Variants in NSD3 observed in about 807,000 individuals in gnomAD.
NSD3 encodes the protein histone-lysine N-methyltransferase NSD3.
A neutral mutation model predicts 160.8 loss-of-function variants in NSD3; 24 were observed. The observed-to-expected ratio is 0.15, with a 90% CI of 0.11 to 0.21. The LOEUF (loss-of-function observed/expected upper bound fraction) is 0.21. NSD3 is among the 10% of genes least tolerant of loss of function. The pLI, the probability that NSD3 is intolerant of heterozygous loss-of-function variation, is 1.00. For synonymous variants in NSD3, 520 were observed against 600.0 expected (o/e 0.87, Z 1.95); for missense variants, 1,157 against 1,735.9 (o/e 0.67, Z 5.93).
intron 4 of NSD3, among the ~76,000 whole-genome samples, chr8:38,334,179 A>C (rs1810147153): frequency 6.6e-6 from 1 of 152,238 alleles, no homozygotes; most frequent in South Asian, 2.1e-4. Flanking sequence ...TATAGCCATA[A>C]ATGGAATATT....
chr8:38,370,414 T>C (rs1290000200), intron 1 of NSD3, among the ~76,000 whole-genome samples: 1 of 150,328 alleles, frequency 6.7e-6, no homozygotes, highest in Non-Finnish European at 1.5e-5. Context: ...AGAGTCTCGC[T>C]CTGTCGCCCA....
chr8:38,299,664 C>T, intron 14 of NSD3, 74 bp from the exon 15 acceptor site: 1 of 1,413,874 alleles, frequency 7.1e-7, no homozygotes, highest in Non-Finnish European at 9.3e-7. Context: ...AATAAACCAA[C>T]ACCTATTATG....
At chr8:38,342,934 G>A (rs1251867358) in intron 2 of NSD3, among the ~76,000 whole-genome samples, 1 of 151,614 alleles carries the variant, frequency 6.6e-6, no homozygotes, top group East Asian at 2.0e-4. Flanking sequence ...GCTCACGCCT[G>A]TAATCCCAGA....
At chr8:38,307,942 C>T (rs1809447328) in intron 12 of NSD3, among the ~76,000 whole-genome samples, 1 of 152,132 alleles carries the variant, frequency 6.6e-6, no homozygotes, top group Non-Finnish European at 1.5e-5. Flanking sequence ...GGATAAGACA[C>T]ATAAACAGAT....
intron 14 of NSD3, among the ~76,000 whole-genome samples, chr8:38,300,137 T>C (rs527495292): frequency 1.4e-4 from 22 of 151,800 alleles, no homozygotes; most frequent in African/African-American, 5.1e-4. Flanking sequence ...TCTATCAATA[T>C]GGTACATGTT....
chr8:38,278,881 A>C (rs1808672867), intron 21 of NSD3, among the ~76,000 whole-genome samples: 2 of 152,250 alleles, frequency 1.3e-5, no homozygotes, highest in African/African-American at 4.8e-5. Flanking sequence ...CAGGGACTCA[A>C]ACTAGGGCCT....
chr8:38,295,551 G>A (rs757268699), intron 16 of NSD3, among the ~76,000 whole-genome samples: 11 of 151,878 alleles, frequency 7.2e-5, no homozygotes, highest in Non-Finnish European at 1.5e-4. Context: ...GAGCCAAACC[G>A]CCTCACAAAC....
chr8:38,368,760 C>A (rs1273033234), intron 1 of NSD3, among the ~76,000 whole-genome samples: 1 of 152,188 alleles, frequency 6.6e-6, no homozygotes, highest in Admixed American at 6.5e-5. Context: ...GGTATTACCA[C>A]TTGAAGGAAA....
intron 1 of NSD3, chr8:38,380,510 T>C (rs1381744322): frequency 6.6e-6 from 1 of 152,226 alleles, no homozygotes; most frequent in African/African-American, 2.4e-5. Flanking sequence ...TTCACGATCA[T>C]GTTTGATATG....
At chr8:38,368,534 TCATA>T (rs1335548842) in intron 1 of NSD3, among the ~76,000 whole-genome samples, 1 of 152,222 alleles carries the variant, frequency 6.6e-6, no homozygotes, top group Admixed American at 6.5e-5. Flanking sequence ...CTAAATTCAA[TCATA>T]CAGTTTTCAC....
chr8:38,378,118 G>A (rs1422979856), intron 1 of NSD3, among the ~76,000 whole-genome samples: 5 of 151,932 alleles, frequency 3.3e-5, no homozygotes. Flanking sequence ...TGTAATATGT[G>A]AATATGTGAA....
chr8:38,320,726 TAA>T (rs1386840957), intron 8 of NSD3: 59 of 151,088 alleles, frequency 3.9e-4, no homozygotes, highest in East Asian at 8.7e-4. Flanking sequence ...AAATCAAACT[TAA>T]AAAAAAAAAA....
At chr8:38,361,955 C>A (rs1472328781) in intron 1 of NSD3, among the ~76,000 whole-genome samples, 1 of 151,838 alleles carries the variant, frequency 6.6e-6, no homozygotes, top group Non-Finnish European at 1.5e-5. Flanking sequence ...TATTATAAAC[C>A]AGTACCTAAA....
intron 1 of NSD3, among the ~76,000 whole-genome samples, chr8:38,355,282 C>T (rs1384338325): frequency 6.6e-6 from 1 of 152,006 alleles, no homozygotes; most frequent in African/African-American, 2.4e-5. Context: ...ACAGGGCTGC[C>T]GTAAGAATTA....
At chr8:38,345,660 C>T (rs577231271) in intron 2 of NSD3, among the ~76,000 whole-genome samples, 14 of 152,118 alleles carry the variant, frequency 9.2e-5, no homozygotes, top group African/African-American at 3.1e-4. Context: ...CCTGTAATCC[C>T]GGCACTTTGA....
intron 17 of NSD3, 60 bp from the exon 18 acceptor site, chr8:38,289,565 T>C (rs999607923): frequency 1.1e-5 from 16 of 1,487,162 alleles, no homozygotes; most frequent in South Asian, 7.2e-5. Flanking sequence ...ATTGATGGGA[T>C]AGTAGTTTTA....
chr8:38,327,787 C>T (rs1809952692), intron 6 of NSD3, among the ~76,000 whole-genome samples: 1 of 151,928 alleles, frequency 6.6e-6, no homozygotes, highest in Non-Finnish European at 1.5e-5. Context: ...CTCATGGTGA[C>T]CAAAATGTGA....
rs753829670 is a variant in NSD3, at chr8:38,299,498, T to A, written c.2704A>T (p.Met902Leu). 4 of 1,613,882 alleles carry A rather than the reference T, an allele frequency of 2.5e-6. No homozygotes were observed. The highest frequency in any genetic ancestry group is 1.7e-6 in the Non-Finnish European group (2 of 1,179,860). The part of the protein sequence containing the change: ...LLNESNRAEL[M>L]KLPMIPSSSA... ...GAAGAAGGAATCATAGGTAATTTCA[T>A]CAACTCAGCACGATTTGATTCATTC... The change falls in exon 15 of 24, where the codon ATG becomes TTG. Residue 902 changes from methionine (M) to leucine (L), a missense_variant. By Grantham distance (15) the Met-to-Leu change is conservative. Around this residue, in one of 10 missense-constraint regions of NSD3, gnomAD observed 437 missense variants for 576.6 expected, o/e 0.76. Transcript: ENST00000317025.
At chr8:38,322,373 C>T (rs1468015777) in intron 7 of NSD3, among the ~76,000 whole-genome samples, 1 of 152,134 alleles carries the variant, frequency 6.6e-6, no homozygotes, top group African/African-American at 2.4e-5. Flanking sequence ...TCTCCTTACA[C>T]TGACGAAAAT....
Sources: gnomAD v4.1 joint callset for allele counts (sites outside exome capture counted in the v4.1 genomes callset) on GRCh38, gnomAD v4.1.1 for gene constraint, gnomAD v4.1.1 regional missense constraint, MANE v1.5 for transcripts, NCBI Gene and HGNC (gene_info 2026-07-23, HGNC 2026-07-21) for gene names.